The following SGCD variants were observed in gnomAD, a reference collection of about 807,000 sequenced individuals.
The protein encoded by SGCD is delta-sarcoglycan.
Under a neutral mutation model 36.6 loss-of-function variants are expected in SGCD, and 18 were observed. The ratio of observed to expected loss-of-function variants is 0.49; its 90% CI spans 0.34 to 0.73. SGCD has a LOEUF of 0.73. Ranked by LOEUF, SGCD falls within the 30% of genes least tolerant of loss-of-function variation. The probability of loss-of-function intolerance (pLI) is 0.01; values close to 1 mark genes in which losing one functional copy is unlikely to be tolerated. For missense variants in SGCD, 387 were observed against 346.7 expected, an observed-to-expected ratio of 1.12 and a Z score of -0.92; for synonymous variants, 133 against 130.6, an observed-to-expected ratio of 1.02 and a Z score of -0.12.
At chr5:156,019,675 G>A (rs958248644) in intron 1 of SGCD, among the ~76,000 whole-genome samples, 5 of 152,162 alleles carry the variant, frequency 3.3e-5, no homozygotes, top group Admixed American at 1.3e-4. Context: ...ACACAGTGCC[G>A]TAAATTCAGA....
chr5:155,844,278 A>G, the SGCD span, among the ~76,000 whole-genome samples: 1 of 152,152 alleles, frequency 6.6e-6, no homozygotes, highest in Non-Finnish European at 1.5e-5. Flanking sequence ...TGAATTTTTT[A>G]AAAATAAAAC....
intron 3 of SGCD, among the ~76,000 whole-genome samples, chr5:156,189,842 A>T (rs1389594538): frequency 6.6e-6 from 1 of 152,148 alleles, no homozygotes; most frequent in African/African-American, 2.4e-5. Flanking sequence ...ATATTAAGTA[A>T]ATGAGTGACA....
At chr5:156,419,347 G>A (rs1773197470) in intron 3 of SGCD, among the ~76,000 whole-genome samples, 1 of 152,078 alleles carries the variant, frequency 6.6e-6, no homozygotes, top group African/African-American at 2.4e-5. Context: ...ACCTTTTTCT[G>A]TACAGCCTAT....
intron 3 of SGCD, among the ~76,000 whole-genome samples, chr5:156,351,852 G>C (rs560070043): frequency 3.7e-4 from 57 of 152,222 alleles, no homozygotes; most frequent in African/African-American, 1.2e-3. Flanking sequence ...ATCCTGGTCT[G>C]TTGGCTAGTT....
intron 3 of SGCD, among the ~76,000 whole-genome samples, chr5:156,177,642 A>C (rs1763505611): frequency 6.6e-6 from 1 of 152,176 alleles, no homozygotes; most frequent in Non-Finnish European, 1.5e-5. Context: ...AGTTTTGACA[A>C]ACATATCCCC....
At chr5:155,783,129 C>T in the SGCD span, among the ~76,000 whole-genome samples, 7 of 152,044 alleles carry the variant, frequency 4.6e-5, no homozygotes, top group African/African-American at 1.7e-4. Context: ...TTTTCTGAAG[C>T]AACTTGAAGA....
intron 6 of SGCD, among the ~76,000 whole-genome samples, chr5:156,636,005 T>C (rs1369895113): frequency 3.3e-5 from 5 of 151,948 alleles, no homozygotes; most frequent in African/African-American, 9.7e-5. Context: ...CTGCCGGTTG[T>C]GCACATGTAC....
chr5:156,611,294 T>A (rs527635087), intron 6 of SGCD, among the ~76,000 whole-genome samples: 56 of 152,358 alleles, frequency 3.7e-4, no homozygotes, highest in African/African-American at 1.3e-3. Flanking sequence ...TAAGGATTTT[T>A]TGTAAGTTAT....
At chr5:155,866,802 A>G (rs975280611), upstream of SGCD, among the ~76,000 whole-genome samples, 1 of 152,106 alleles carries the variant, frequency 6.6e-6, no homozygotes, top group African/African-American at 2.4e-5. Context: ...TCTGACCCAA[A>G]GTTTGTCTGG....
intron 6 of SGCD, among the ~76,000 whole-genome samples, chr5:156,606,539 G>C (rs1761464374): frequency 6.6e-6 from 1 of 152,034 alleles, no homozygotes; most frequent in Non-Finnish European, 1.5e-5. Context: ...GTTCTTTTTT[G>C]GTTCCATATG....
intron 1 of SGCD, among the ~76,000 whole-genome samples, chr5:156,068,271 C>G (rs556951992): frequency 9.8e-4 from 149 of 151,990 alleles, no homozygotes; most frequent in African/African-American, 3.5e-3. Context: ...ATCCCTCCCC[C>G]CTTTCCCCAC....
intron 2 of SGCD, among the ~76,000 whole-genome samples, chr5:156,333,561 C>G (rs946522674): frequency 1.2e-4 from 18 of 152,032 alleles, no homozygotes; most frequent in Admixed American, 5.2e-4. Flanking sequence ...GCCAAACACT[C>G]TGGATTCAAA....
At chr5:156,639,393 C>A (rs553840521) in intron 6 of SGCD, among the ~76,000 whole-genome samples, 4 of 152,328 alleles carry the variant, frequency 2.6e-5, no homozygotes, top group East Asian at 1.9e-4. Flanking sequence ...CCTAGATGAA[C>A]CCAAACATCC....
At chr5:156,166,321 C>CT (rs892367297) in intron 3 of SGCD, among the ~76,000 whole-genome samples, 28 of 149,390 alleles carry the variant, frequency 1.9e-4, no homozygotes, top group South Asian at 4.3e-4. Context: ...TACTCCATAA[C>CT]TTTTTTTTTT....
intron 1 of SGCD, among the ~76,000 whole-genome samples, chr5:156,007,514 C>T (rs1222812769): frequency 2.0e-5 from 3 of 152,198 alleles, no homozygotes; most frequent in Non-Finnish European, 2.9e-5. Context: ...TTGTTTTCCA[C>T]TGAAAAGTGT....
At chr5:156,040,849 G>A (rs960753904) in intron 1 of SGCD, among the ~76,000 whole-genome samples, 2 of 152,144 alleles carry the variant, frequency 1.3e-5, no homozygotes, top group Non-Finnish European at 2.9e-5. Context: ...GTGCCATCCT[G>A]ATGGAGCTTG....
chr5:156,120,673 A>T (rs538725722), intron 2 of SGCD, among the ~76,000 whole-genome samples: 2 of 152,172 alleles, frequency 1.3e-5, no homozygotes, highest in Admixed American at 6.6e-5. Flanking sequence ...TTAGGTTGGG[A>T]TGTAACTAAA....
chr5:156,709,587 A>G (rs1458149838), intron 7 of SGCD, among the ~76,000 whole-genome samples: 1 of 152,304 alleles, frequency 6.6e-6, no homozygotes, highest in South Asian at 2.1e-4. Context: ...AAAGGATTAA[A>G]ATAATCCTAT....
chr5:156,637,902 G>T (rs1427416336), intron 6 of SGCD, among the ~76,000 whole-genome samples: 1 of 151,946 alleles, frequency 6.6e-6, no homozygotes, highest in Non-Finnish European at 1.5e-5. Flanking sequence ...TCTTTGTCCA[G>T]ATTTCTACTT....
Sources: allele counts gnomAD v4.1 joint callset (sites outside exome capture counted in the v4.1 genomes callset), GRCh38; gene constraint gnomAD v4.1.1; transcripts MANE v1.5; gene names NCBI Gene and HGNC (gene_info 2026-07-23, HGNC 2026-07-21).